Variants in DCAF4 observed in about 807,000 individuals in gnomAD.
DCAF4 encodes the protein DDB1 and CUL4 associated factor 4, also known as DDB1- and CUL4-associated factor 4.
Under a neutral mutation model 60.9 loss-of-function variants are expected in DCAF4, and 37 were observed. That is an observed-to-expected ratio of 0.61 (90% confidence interval 0.47 to 0.80). The LOEUF is 0.80. Among genes scored for constraint, DCAF4 ranks in the 30% least tolerant of loss-of-function variants. The pLI, the probability that DCAF4 is intolerant of heterozygous loss-of-function variation, is 0.00. For missense variants in DCAF4, 577 were observed against 650.0 expected (o/e 0.89, Z 1.22); for synonymous variants, 243 against 254.8 (o/e 0.95, Z 0.44).
At chr14:72,951,566 G>A (rs1009099617) in intron 8 of DCAF4, among the ~76,000 whole-genome samples, 2 of 152,100 alleles carry the variant, frequency 1.3e-5, no homozygotes, top group East Asian at 3.9e-4. Flanking sequence ...AGCCGAGATC[G>A]CGCCATTGCA....
intron 1 of DCAF4, among the ~76,000 whole-genome samples, chr14:72,929,230 C>T (rs1387690394): frequency 6.6e-6 from 1 of 152,216 alleles, no homozygotes; most frequent in Non-Finnish European, 1.5e-5. Flanking sequence ...CTGCGGGCTC[C>T]CAAACCAGAC....
intron 8 of DCAF4, among the ~76,000 whole-genome samples, chr14:72,949,619 G>A (rs990030198): frequency 3.3e-5 from 5 of 152,062 alleles, no homozygotes; most frequent in African/African-American, 4.8e-5. Context: ...GCCAGGTGTG[G>A]TGGCACGCAC....
downstream of DCAF4, chr14:72,961,888 G>A: frequency 8.9e-7 from 1 of 1,125,226 alleles, no homozygotes; most frequent in Non-Finnish European, 1.1e-6. Flanking sequence ...CAATGCTGAT[G>A]TCAAACTGGT....
chr14:72,960,274 C>T (rs1390605037), downstream of DCAF4, among the ~76,000 whole-genome samples: 2 of 151,946 alleles, frequency 1.3e-5, no homozygotes, highest in Non-Finnish European at 2.9e-5. Flanking sequence ...CTCAGCCTCC[C>T]GAGTAGGTTG....
chr14:72,955,462 C>T (rs1892142498), intron 11 of DCAF4, 61 bp from the exon 12 acceptor site: 6 of 1,576,962 alleles, frequency 3.8e-6, no homozygotes, highest in Non-Finnish European at 5.2e-6. Context: ...GAGGACCTGC[C>T]CTGCCCAGCC....
chr14:72,933,964 A>AC (rs1888913448), intron 1 of DCAF4, among the ~76,000 whole-genome samples: 1 of 152,048 alleles, frequency 6.6e-6, no homozygotes, highest in Non-Finnish European at 1.5e-5. Flanking sequence ...CTTACTTGTC[A>AC]CCCCATGCCG....
intron 5 of DCAF4, chr14:72,942,744 C>T: frequency 2.1e-6 from 1 of 484,638 alleles, no homozygotes; most frequent in Non-Finnish European, 3.7e-6. Flanking sequence ...GACACAACTC[C>T]CTCTAACTCC....
intron 13 of DCAF4, 116 bp downstream of exon 13, chr14:72,956,616 G>T (rs141099828): frequency 1.2e-5 from 11 of 945,966 alleles, no homozygotes; most frequent in East Asian, 8.1e-5. Context: ...GAATCAAGGG[G>T]AGTGTGGACA....
At chr14:72,945,216 G>A (rs1890572350) in intron 6 of DCAF4, among the ~76,000 whole-genome samples, 1 of 151,870 alleles carries the variant, frequency 6.6e-6, no homozygotes, top group Non-Finnish European at 1.5e-5. Context: ...AACATAGCGA[G>A]ACCGTATCTC....
At chr14:72,941,215 C>T (rs1253132668) in intron 4 of DCAF4, among the ~76,000 whole-genome samples, 4 of 152,140 alleles carry the variant, frequency 2.6e-5, no homozygotes, top group African/African-American at 9.7e-5. Flanking sequence ...ATCCGCCCAC[C>T]TTGGCCTCCC....
rs772833445 is a variant in DCAF4 at position 72,943,055 on chromosome 14, G to T, written c.493G>T (p.Asp165Tyr). Residue 165 changes from aspartate to tyrosine, a missense_variant, in exon 6 of 14, where the codon GAT becomes TAT. By Grantham distance (160) the Asp-to-Tyr change is radical (BLOSUM62 -3). Transcript: ENST00000358377. ...GAAAAAGGTCCAGATTCGAAGCATG[G>T]ATCCCTCCGCCTTGGCAAGCGACCG... ...ERKKVQIRSM[D>Y]PSALASDRFN... The T allele has an allele frequency of 1.9e-6, 3 of 1,614,194 alleles. No homozygotes were observed. Among genetic ancestry groups the T allele is most frequent in the East Asian group, 2.2e-5 (1 of 44,882 alleles).
intron 2 of DCAF4, 57 bp downstream of exon 2, chr14:72,938,127 C>T: frequency 1.3e-6 from 2 of 1,535,310 alleles, no homozygotes; most frequent in Non-Finnish European, 1.7e-6. Flanking sequence ...GCATTGTACA[C>T]ATGGCATGTC....
intron 4 of DCAF4, among the ~76,000 whole-genome samples, chr14:72,941,252 A>T (rs1890008008): frequency 6.6e-6 from 1 of 152,216 alleles, no homozygotes; most frequent in South Asian, 2.1e-4. Context: ...GGTGTGAGCC[A>T]CCATGCCCAT....
At chr14:72,954,837 G>A (rs1892059316) in intron 11 of DCAF4, among the ~76,000 whole-genome samples, 1 of 152,148 alleles carries the variant, frequency 6.6e-6, no homozygotes, top group Non-Finnish European at 1.5e-5. Context: ...ATCAGGCCAG[G>A]TACAGTGGCT....
chr14:72,954,559 T>C, intron 11 of DCAF4, 76 bp downstream of exon 11: 1 of 1,343,120 alleles, frequency 7.4e-7, no homozygotes, highest in Non-Finnish European at 1.1e-6. Flanking sequence ...ATTGGACTCC[T>C]CTGTGTGCCA....
chr14:72,961,858 T>C (rs1892834802), downstream of DCAF4: 6 of 1,086,310 alleles, frequency 5.5e-6, no homozygotes, highest in Admixed American at 4.1e-5. Flanking sequence ...AAGGGCATCC[T>C]CTCCAGCAGA....
At chr14:72,946,478 A>T (rs1365527833) in intron 7 of DCAF4, among the ~76,000 whole-genome samples, 1 of 152,184 alleles carries the variant, frequency 6.6e-6, no homozygotes, top group African/African-American at 2.4e-5. Flanking sequence ...GTCTTGGAAA[A>T]GAAAGTGAAA....
chr14:72,927,006 A>G (rs553732676), intron 1 of DCAF4: 3 of 152,430 alleles, frequency 2.0e-5, no homozygotes, highest in African/African-American at 7.2e-5. Flanking sequence ...AGGCGCTAAC[A>G]TTTGCCAGCG....
At chr14:72,942,526 C>T (rs1367516736) in intron 5 of DCAF4, 1 of 158,972 alleles carries the variant, frequency 6.3e-6, no homozygotes, top group African/African-American at 2.4e-5. Flanking sequence ...AGGGCAGGCC[C>T]CTCCTGTTTT....
Sources: gnomAD v4.1 joint callset for allele counts (sites outside exome capture counted in the v4.1 genomes callset) on GRCh38, gnomAD v4.1.1 for gene constraint, MANE v1.5 for transcripts, NCBI Gene and HGNC (gene_info 2026-07-23, HGNC 2026-07-21) for gene names.